SYTL2: variants seen among roughly 807,000 people sequenced by gnomAD.
SYTL2 encodes the protein synaptotagmin like 2, also known as synaptotagmin-like protein 2.
Under a neutral mutation model 198.7 loss-of-function variants are expected in SYTL2, and 165 were observed. That is an observed-to-expected ratio of 0.83 (90% CI 0.73 to 0.94). The LOEUF is 0.94. Ranked by LOEUF, SYTL2 falls within the 40% of genes least tolerant of loss-of-function variation. The pLI, the probability that SYTL2 is intolerant of heterozygous loss-of-function variation, is 0.00. For missense variants in SYTL2, 2,835 were observed against 2,582.8 expected, an observed-to-expected ratio of 1.10 and a Z score of -2.12; for synonymous variants, 966 against 917.7, an observed-to-expected ratio of 1.05 and a Z score of -0.95.
intron 1 of SYTL2, among the ~76,000 whole-genome samples, chr11:85,770,140 T>C (rs144432209): frequency 4.5e-4 from 69 of 152,270 alleles, no homozygotes; most frequent in African/African-American, 1.5e-3. Flanking sequence ...AGTCAAGTTA[T>C]TGCTGTTGGA....
At chr11:85,717,179 C>T (rs574286311) in intron 11 of SYTL2, 38 of 174,770 alleles carry the variant, frequency 2.2e-4, no homozygotes, top group African/African-American at 5.9e-4. Flanking sequence ...AAGGTGCCAA[C>T]TTGCTTTTAA....
chr11:85,773,277 GC>G lies in SYTL2; in HGVS notation c.-389-15164del, dbSNP rs1355029663. ...ATTCAAACCACTCAGCGTTACATTA[GC>G]CCCTCCAGATCTACACCCTGACTTC... On this transcript the variant is annotated intron_variant, in intron 1 of 19. Coordinates refer to ENST00000359152, the MANE Select transcript of SYTL2 (RefSeq NM_206927.4). Among the ~76,000 whole-genome samples the G allele has an allele frequency of 4.8e-5, 7 of 144,420 alleles. No individual in the cohort carries two copies. The South Asian group carries it at 1.3e-3, about 28-fold the overall frequency. The allele number at this position is 144,420 out of a possible 152,430, so 94.7% of individuals were successfully genotyped here. A position where few individuals can be genotyped will look rare whatever the true frequency, so the allele number is the denominator to read the frequency against.
chr11:85,826,750 T>A, the SYTL2 span, among the ~76,000 whole-genome samples: 1 of 152,228 alleles, frequency 6.6e-6, no homozygotes, highest in African/African-American at 2.4e-5. Flanking sequence ...GGATGTGCTA[T>A]AAAGCTCTAG....
chr11:85,741,046 A>G (rs573835412), intron 4 of SYTL2, among the ~76,000 whole-genome samples: 1 of 152,110 alleles, frequency 6.6e-6, no homozygotes, highest in East Asian at 1.9e-4. Context: ...AGTTAAAAAT[A>G]GTAGCAGATA....
chr11:85,779,383 A>G (rs2092517942), intron 1 of SYTL2, among the ~76,000 whole-genome samples: 1 of 152,216 alleles, frequency 6.6e-6, no homozygotes, highest in Admixed American at 6.5e-5. Context: ...TACACGGGCT[A>G]TCTCCCCAAA....
At chr11:85,779,050 ATAT>A (rs2092511052) in intron 1 of SYTL2, among the ~76,000 whole-genome samples, 1 of 152,052 alleles carries the variant, frequency 6.6e-6, no homozygotes, top group African/African-American at 2.4e-5. Flanking sequence ...TATACTATAT[ATAT>A]TATATAACAT....
chr11:85,737,576 T>G lies in SYTL2; in HGVS notation c.470A>C (p.Lys157Thr). 6.2e-7 allele frequency: 1 copy of G among 1,612,860 alleles called. No homozygotes were observed. The highest frequency in any genetic ancestry group is 8.5e-7 in the Non-Finnish European group (1 of 1,179,000). The change falls in exon 5 of 20, where the codon AAG (lysine) becomes ACG (threonine). Residue 157 changes from lysine (K) to threonine (T), a missense_variant and splice_region_variant. Around this residue, in one of 3 missense-constraint regions of SYTL2, gnomAD observed 2,645 missense variants for 2,381.7 expected, o/e 1.11. Transcript: ENST00000359152. ...TTTCAAAATCTGGGCTCAGTCTACCTTCTCTGGAGACACATTTGGTTTCCT... is the reference window on the plus strand; with the variant it reads ...TTTCAAAATCTGGGCTCAGTCTACCGTCTCTGGAGACACATTTGGTTTCCT... ...NTRKPNVSPE[K>T]QRKNPFNSSK...
In SYTL2 at chr11:85,724,819, G is replaced by T; in HGVS notation, c.4539C>A (p.Pro1513=). ...TCCCTGTATCACTTTCATATTTTGA[G>T]GGGAAGGTTTCAGTTTCTTCCTTCA... The part of the protein sequence containing the change: ...KLLKEETETF[P]SKYESDTGNL... Residue 1513 remains proline (P), a synonymous_variant, in exon 8 of 20, where the codon CCC becomes CCA. Transcript: ENST00000359152. 2 of 1,613,612 alleles carry T rather than the reference G, an allele frequency of 1.2e-6. No individual in the cohort carries two copies. The highest frequency in any genetic ancestry group is 1.7e-6 in the Non-Finnish European group (2 of 1,179,896).
chr11:85,723,876 T>G (rs1270033562), intron 8 of SYTL2, among the ~76,000 whole-genome samples, 156 bp downstream of exon 8: 2 of 151,406 alleles, frequency 1.3e-5, no homozygotes, highest in Non-Finnish European at 2.9e-5. Context: ...TATAAATAAT[T>G]TTTTTAATTA....
At position 85,783,023 on chromosome 11, in the gene SYTL2, C is replaced by T. The variant is rs548622394; in HGVS notation, c.-389-24909G>A. ...TGTTACACAGTTCCAAAGCCGCTTC[C>T]ACATTTTTGGATATCTTTACAGCAG... On this transcript the variant is annotated intron_variant, in intron 1 of 19. Transcript: ENST00000359152. Among the ~76,000 whole-genome samples the T allele has an allele frequency of 3.9e-5, 6 of 152,320 alleles. No individual in the cohort carries two copies. In the East Asian group the frequency reaches 9.6e-4, roughly 24 times the overall value.
intron 1 of SYTL2, among the ~76,000 whole-genome samples, chr11:85,766,634 A>G (rs1236069620): frequency 6.6e-6 from 1 of 152,218 alleles, no homozygotes; most frequent in Non-Finnish European, 1.5e-5. Context: ...CATCCACCGC[A>G]GGCCCAGATC....
Position 85,724,364 on chromosome 11 carries a change from G to C in SYTL2, c.4994C>G (p.Pro1665Arg), listed in dbSNP as rs141681546. 6.3e-7 allele frequency: 1 copy of C among 1,584,944 alleles called. No homozygotes were observed. The highest frequency in any genetic ancestry group is 8.6e-7 in the Non-Finnish European group (1 of 1,168,660). ...TATTTCATGAGCCACATAAAGTTGT[G>C]GGGTTCTAGGGATCTCAACTCCACT... ...SRSGVEIPRT[P>R]QLYVAHEIGT... Residue 1665 changes from proline to arginine, a missense_variant, in exon 8 of 20, where the codon CCA becomes CGA. Transcript: ENST00000359152.
At chr11:85,838,034 TC>T in the SYTL2 span, among the ~76,000 whole-genome samples, 1 of 152,106 alleles carries the variant, frequency 6.6e-6, no homozygotes, top group Non-Finnish European at 1.5e-5. Context: ...TAGCACCCCT[TC>T]CCCAGTCATG....
intron 1 of SYTL2, among the ~76,000 whole-genome samples, chr11:85,773,136 G>A (rs919518735): frequency 7.2e-5 from 11 of 151,900 alleles, no homozygotes; most frequent in African/African-American, 2.7e-4. Context: ...CCTTTCCTTG[G>A]CCTCAGTTTC....
chr11:85,837,969 A>G, the SYTL2 span, among the ~76,000 whole-genome samples: 1 of 152,132 alleles, frequency 6.6e-6, no homozygotes, highest in African/African-American at 2.4e-5. Flanking sequence ...CCCACTAATT[A>G]TACTCACAAA....
chr11:85,848,381 G>C, the SYTL2 span, among the ~76,000 whole-genome samples: 4 of 150,798 alleles, frequency 2.7e-5, no homozygotes, highest in African/African-American at 9.8e-5. Context: ...TATAACACTT[G>C]GCTGATGCAA....
At chr11:85,817,391 G>C in the SYTL2 span, among the ~76,000 whole-genome samples, 2 of 152,260 alleles carry the variant, frequency 1.3e-5, no homozygotes, top group South Asian at 4.1e-4. Flanking sequence ...GAGACGTACT[G>C]TAAGTGTAAA....
At chr11:85,751,408 C>T (rs2091502324) in intron 2 of SYTL2, among the ~76,000 whole-genome samples, 1 of 152,114 alleles carries the variant, frequency 6.6e-6, no homozygotes, top group Non-Finnish European at 1.5e-5. Context: ...ACTCTAATTA[C>T]ATCAACAAAA....
intron 1 of SYTL2, among the ~76,000 whole-genome samples, chr11:85,799,758 T>G (rs1219576243): frequency 6.6e-6 from 1 of 152,172 alleles, no homozygotes; most frequent in Non-Finnish European, 1.5e-5. Context: ...CCCCACCTCC[T>G]TCCTCTGTGC....
Sources: allele counts gnomAD v4.1 joint callset (sites outside exome capture counted in the v4.1 genomes callset), GRCh38; gene constraint gnomAD v4.1.1; regional missense constraint gnomAD v4.1.1; transcripts MANE v1.5; gene names NCBI Gene and HGNC (gene_info 2026-07-23, HGNC 2026-07-21).